ANTXR1: variants seen among roughly 807,000 people sequenced by gnomAD.
ANTXR1 encodes ANTXR cell adhesion molecule 1, also known as anthrax toxin receptor 1.
Under a neutral mutation model 78.1 loss-of-function variants are expected in ANTXR1, and 19 were observed. The observed-to-expected ratio is 0.24, with a 90% CI of 0.17 to 0.36. The LOEUF is 0.36. Among genes scored for constraint, ANTXR1 ranks in the 10% least tolerant of loss-of-function variants. The pLI is 1.00. For synonymous variants in ANTXR1, 273 were observed against 260.5 expected, an observed-to-expected ratio of 1.05 and a Z score of -0.46; for missense variants, 518 against 718.6, an observed-to-expected ratio of 0.72 and a Z score of 3.19.
intron 12 of ANTXR1, among the ~76,000 whole-genome samples, chr2:69,138,335 T>A (rs750399988): frequency 2.6e-5 from 4 of 152,180 alleles, no homozygotes; most frequent in Admixed American, 6.5e-5. Context: ...GAATGGGAGA[T>A]GACCCACCAG....
chr2:69,023,361 T>G (rs151148490), intron 1 of ANTXR1, among the ~76,000 whole-genome samples: 199 of 152,018 alleles, frequency 1.3e-3, no homozygotes, highest in African/African-American at 4.4e-3. Context: ...ATGGCAATGT[T>G]GATAGTTGTG....
chr2:69,082,364 T>C (rs761842672), intron 8 of ANTXR1, among the ~76,000 whole-genome samples: 42 of 152,160 alleles, frequency 2.8e-4, no homozygotes, highest in Non-Finnish European at 4.9e-4. Context: ...CTGCAGAATA[T>C]GGTGATAAAA....
rs537757494 is a variant in ANTXR1 at position 69,223,440 on chromosome 2, G to A, written c.1435-21785G>A. Among the ~76,000 whole-genome samples the A allele has an allele frequency of 4.6e-3, 707 of 152,278 alleles. 5 individuals are homozygous for A. Among genetic ancestry groups the A allele is most frequent in the African/African-American group, 0.016 (681 of 41,560 alleles). On this transcript the variant is annotated intron_variant, in intron 17 of 17. Transcript: ENST00000303714. Reference sequence around the variant, plus strand: ...CAGCCTGAAGAGATGAAAGTCCTGAGTTTTCCTACTTCCTTATTACACAAA... The same window carrying A: ...CAGCCTGAAGAGATGAAAGTCCTGAATTTTCCTACTTCCTTATTACACAAA...
chr2:69,038,315 A>G (rs559059991), intron 1 of ANTXR1, among the ~76,000 whole-genome samples: 11 of 152,332 alleles, frequency 7.2e-5, no homozygotes, highest in African/African-American at 2.6e-4. Context: ...GAAATATTAA[A>G]TCCCCAGTAT....
chr2:69,109,489 T>C (rs946126803), intron 10 of ANTXR1, among the ~76,000 whole-genome samples: 2 of 152,216 alleles, frequency 1.3e-5, no homozygotes, highest in Admixed American at 6.5e-5. Context: ...GAACAATGTA[T>C]GATCACACCA....
chr2:69,025,371 T>C (rs1383186426), intron 1 of ANTXR1, among the ~76,000 whole-genome samples: 1 of 152,186 alleles, frequency 6.6e-6, no homozygotes, highest in African/African-American at 2.4e-5. Flanking sequence ...TTTCAAGAGA[T>C]GGAGAGGAAA....
chr2:69,118,608 A>G (rs1411646616), intron 10 of ANTXR1, among the ~76,000 whole-genome samples: 1 of 152,056 alleles, frequency 6.6e-6, no homozygotes, highest in Non-Finnish European at 1.5e-5. Flanking sequence ...CGAAATGGCC[A>G]CCTAGAGGGT....
chr2:69,015,966 G>GA (rs5831957), intron 1 of ANTXR1, among the ~76,000 whole-genome samples: 20,479 of 152,074 alleles, frequency 0.13, 1,558 homozygotes, highest in African/African-American at 0.2. Context: ...TCAAAGAAAT[G>GA]AAAAAATCAA....
Position 69,245,528 on chromosome 2 carries a change from G to T in ANTXR1, c.*43G>T. 6.2e-7 allele frequency: 1 copy of T among 1,611,406 alleles called. No homozygotes were observed. On this transcript the variant is annotated 3_prime_UTR_variant, in exon 18 of 18. Coordinates refer to ENST00000303714, the MANE Select transcript of ANTXR1 (RefSeq NM_032208.3). The stretch of plus-strand genomic sequence containing the variant: ...CTGGGCTCTCTCAGAAACTTCAGGA[G>T]ATGTTAGAACAAGTCTTTCCAGTTA...
At chr2:69,164,012 C>T (rs1180589133) in intron 13 of ANTXR1, among the ~76,000 whole-genome samples, 2 of 152,208 alleles carry the variant, frequency 1.3e-5, no homozygotes, top group African/African-American at 2.4e-5. Context: ...TTAACTACCA[C>T]ATATGAACAG....
At chr2:69,132,381 G>A (rs895192722) in intron 12 of ANTXR1, among the ~76,000 whole-genome samples, 8 of 152,214 alleles carry the variant, frequency 5.3e-5, no homozygotes, top group African/African-American at 1.7e-4. Flanking sequence ...TGTTTTCTAA[G>A]TCAGTTCATT....
chr2:69,061,613 A>G (rs1378183322), intron 3 of ANTXR1, among the ~76,000 whole-genome samples: 1 of 152,212 alleles, frequency 6.6e-6, no homozygotes, highest in Non-Finnish European at 1.5e-5. Context: ...AGACAGCCAA[A>G]GATCACTAAA....
intron 3 of ANTXR1, among the ~76,000 whole-genome samples, chr2:69,067,955 A>G (rs774223816): frequency 2.0e-5 from 3 of 152,230 alleles, no homozygotes; most frequent in Non-Finnish European, 2.9e-5. Flanking sequence ...GAGGTAATAT[A>G]AGAAATACAA....
At chr2:69,069,673 A>T (rs973509881) in intron 3 of ANTXR1, among the ~76,000 whole-genome samples, 2 of 152,240 alleles carry the variant, frequency 1.3e-5, no homozygotes, top group Non-Finnish European at 2.9e-5. Flanking sequence ...CTGTAATGTA[A>T]GGACAGTAAT....
chr2:69,183,988 C>A lies in ANTXR1; in HGVS notation c.1353+1328C>A, dbSNP rs181932184. On this transcript the variant is annotated intron_variant, in intron 16 of 17. Coordinates refer to ENST00000303714, the MANE Select transcript of ANTXR1 (RefSeq NM_032208.3). ...TCCAGTTTCAAGCTGCAAACAGAAC[C>A]GAACCAACTCCAAAGCCTCAAGTCA... Among the ~76,000 whole-genome samples the A allele has an allele frequency of 1.4e-3, 208 of 152,068 alleles. 1 individual carries two copies. The highest frequency in any genetic ancestry group is 2.8e-3 in the Admixed American group (42 of 15,270).
At position 69,123,083 on chromosome 2, in the gene ANTXR1, G is replaced by C; in HGVS notation, c.869G>C (p.Gly290Ala). The change falls in exon 11 of 18, where the codon GGC (glycine) becomes GCC (alanine). Residue 290 changes from glycine to alanine, a missense_variant. Coordinates refer to ENST00000303714, the MANE Select transcript of ANTXR1 (RefSeq NM_032208.3). ...LCPAPILKEVGMKAALQVSMN... is the reference protein window; with the variant it reads ...LCPAPILKEVAMKAALQVSMN... ...CCAGCGCCTATCTTAAAAGAAGTTG[G>C]CATGTAAGTTTTCACCAGCAACTGA... 6.2e-7 allele frequency: 1 copy of C among 1,614,100 alleles called. No individual in the cohort carries two copies. The highest frequency in any genetic ancestry group is 1.1e-5 in the South Asian group (1 of 91,068).
intron 13 of ANTXR1, among the ~76,000 whole-genome samples, chr2:69,160,304 T>C (rs1673644886): frequency 6.6e-6 from 1 of 152,140 alleles, no homozygotes; most frequent in Non-Finnish European, 1.5e-5. Context: ...CCCCCATGCT[T>C]ATGCCTGCCG....
At chr2:69,118,967 T>C (rs1056568244) in intron 10 of ANTXR1, among the ~76,000 whole-genome samples, 3 of 152,168 alleles carry the variant, frequency 2.0e-5, no homozygotes, top group African/African-American at 7.2e-5. Context: ...GGGAGGCTGA[T>C]ACACTCGGAT....
At chr2:69,185,450 G>T (rs1357005913) in intron 16 of ANTXR1, among the ~76,000 whole-genome samples, 1 of 151,580 alleles carries the variant, frequency 6.6e-6, no homozygotes, top group Non-Finnish European at 1.5e-5. Flanking sequence ...TGAGGCAGGA[G>T]AATCATTTGA....
Sources: gnomAD v4.1 joint callset for allele counts (sites outside exome capture counted in the v4.1 genomes callset) on GRCh38, gnomAD v4.1.1 for gene constraint, MANE v1.5 for transcripts, NCBI Gene and HGNC (gene_info 2026-07-23, HGNC 2026-07-21) for gene names.